Variants in PTPRD observed in about 807,000 individuals in gnomAD.
PTPRD encodes receptor-type tyrosine-protein phosphatase delta.
Under a neutral mutation model 214.5 loss-of-function variants are expected in PTPRD, and 34 were observed. The ratio of observed to expected loss-of-function variants is 0.16; its 90% CI spans 0.12 to 0.21. The LOEUF is 0.21. Among genes scored for constraint, PTPRD ranks in the 10% least tolerant of loss-of-function variants. The pLI is 1.00. For synonymous variants in PTPRD, 1,128 were observed against 845.7 expected (o/e 1.33, Z -5.79); for missense variants, 2,545 against 2,398.7 (o/e 1.06, Z -1.27).
Position 10,360,491 on chromosome 9 carries a change from T to C in PTPRD, c.-599-19474A>G, listed in dbSNP as rs375796794. The stretch of plus-strand genomic sequence containing the variant: ...CTTTTGTTCCCTCTATCATTCTCCT[T>C]CTCTTCCACTTTGCAAAGGCAAAGT... On this transcript the variant is annotated intron_variant, in intron 2 of 45. Coordinates refer to ENST00000381196, the MANE Select transcript of PTPRD (RefSeq NM_002839.4). Among the ~76,000 whole-genome samples the C allele has an allele frequency of 7.2e-5, 11 of 152,326 alleles. No homozygotes were observed. In the East Asian group the frequency reaches 1.2e-3, roughly 16 times the overall value.
intron 5 of PTPRD, among the ~76,000 whole-genome samples, chr9:9,817,952 T>C (rs554858390): frequency 6.6e-6 from 1 of 152,320 alleles, no homozygotes; most frequent in Admixed American, 6.5e-5. Context: ...ATTTTAGGTA[T>C]AGAGTCAAAA....
chr9:10,078,198 C>T (rs1373715460), intron 3 of PTPRD, among the ~76,000 whole-genome samples: 2 of 151,622 alleles, frequency 1.3e-5, no homozygotes, highest in Non-Finnish European at 2.9e-5. Flanking sequence ...TATGCAAAAT[C>T]ATAGATCTCA....
At chr9:9,618,230 T>G (rs959766757) in intron 7 of PTPRD, among the ~76,000 whole-genome samples, 5 of 151,810 alleles carry the variant, frequency 3.3e-5, no homozygotes, top group African/African-American at 9.7e-5. Context: ...TCCTTAGATT[T>G]TAATATGTAT....
chr9:9,923,201 T>C (rs1165293874), intron 5 of PTPRD, among the ~76,000 whole-genome samples: 1 of 150,448 alleles, frequency 6.6e-6, no homozygotes, highest in African/African-American at 2.4e-5. Flanking sequence ...ACAGATAATC[T>C]GGGTAAAAGA....
At chr9:9,591,892 T>G (rs1304793783) in intron 7 of PTPRD, among the ~76,000 whole-genome samples, 4 of 152,074 alleles carry the variant, frequency 2.6e-5, no homozygotes. Flanking sequence ...TACTGTGTAG[T>G]GGAACACCAG....
chr9:9,071,864 C>T (rs539413905), intron 10 of PTPRD, among the ~76,000 whole-genome samples: 4 of 152,076 alleles, frequency 2.6e-5, no homozygotes, highest in South Asian at 2.1e-4. Flanking sequence ...AAAAGTAAAG[C>T]GCTTTGTAAG....
At chr9:8,864,787 T>G (rs997272886) in intron 11 of PTPRD, among the ~76,000 whole-genome samples, 2 of 152,204 alleles carry the variant, frequency 1.3e-5, no homozygotes, top group African/African-American at 4.8e-5. Context: ...CATGAGTAAC[T>G]GGGGGTGTTT....
intron 21 of PTPRD, among the ~76,000 whole-genome samples, chr9:8,515,949 A>G (rs945990870): frequency 9.2e-5 from 14 of 152,162 alleles, no homozygotes; most frequent in African/African-American, 3.4e-4. Flanking sequence ...AGATGACATA[A>G]ATCACCTAAG....
chr9:10,123,735 C>T (rs10958889), intron 3 of PTPRD, among the ~76,000 whole-genome samples: 21,506 of 152,174 alleles, frequency 0.14, 1,622 homozygotes, highest in South Asian at 0.27. Flanking sequence ...ATAGTGAATA[C>T]GTCTTTCCCC....
intron 39 of PTPRD, among the ~76,000 whole-genome samples, chr9:8,368,068 G>C (rs2080437254): frequency 6.6e-6 from 1 of 152,206 alleles, no homozygotes; most frequent in Middle Eastern, 3.4e-3. Flanking sequence ...TGGCCCCTAA[G>C]AGCAGCTCTA....
At chr9:9,788,614 G>A (rs2098944223) in intron 5 of PTPRD, among the ~76,000 whole-genome samples, 1 of 151,252 alleles carries the variant, frequency 6.6e-6, no homozygotes, top group Non-Finnish European at 1.5e-5. Flanking sequence ...GGGTGGTAAT[G>A]GATTTTATTT....
intron 2 of PTPRD, among the ~76,000 whole-genome samples, chr9:10,546,534 T>A (rs111589188): frequency 6.6e-6 from 1 of 151,842 alleles, no homozygotes; most frequent in Non-Finnish European, 1.5e-5. Flanking sequence ...TAGGAAAATA[T>A]CAGGGTCTAT....
intron 11 of PTPRD, among the ~76,000 whole-genome samples, chr9:8,874,060 A>C (rs1284430957): frequency 6.6e-6 from 1 of 152,206 alleles, no homozygotes; most frequent in Admixed American, 6.5e-5. Flanking sequence ...ACTTAGGGTA[A>C]AAATTTAATA....
intron 5 of PTPRD, among the ~76,000 whole-genome samples, chr9:9,931,920 CT>C (rs2086790197): frequency 6.6e-6 from 1 of 151,644 alleles, no homozygotes; most frequent in Non-Finnish European, 1.5e-5. Context: ...TCCCTGACCC[CT>C]GACCCCCGAG....
chr9:9,509,231 G>A (rs1265910945), intron 8 of PTPRD, among the ~76,000 whole-genome samples: 4 of 151,054 alleles, frequency 2.6e-5, no homozygotes, highest in Non-Finnish European at 4.4e-5. Flanking sequence ...TTTAATTATG[G>A]GAAAAAAACC....
chr9:10,078,907 A>G (rs1437232052), intron 3 of PTPRD, among the ~76,000 whole-genome samples: 1 of 152,068 alleles, frequency 6.6e-6, no homozygotes, highest in African/African-American at 2.4e-5. Flanking sequence ...ACTCCTCACC[A>G]TCTGGTTGCC....
intron 11 of PTPRD, among the ~76,000 whole-genome samples, chr9:8,867,650 A>T (rs924939945): frequency 2.3e-4 from 35 of 152,342 alleles, no homozygotes; most frequent in African/African-American, 8.2e-4. Flanking sequence ...CTGGGTAGTG[A>T]TGAGAAATTA....
chr9:9,202,995 G>A (rs572683858), intron 9 of PTPRD, among the ~76,000 whole-genome samples: 8 of 152,110 alleles, frequency 5.3e-5, no homozygotes, highest in South Asian at 2.1e-4. Flanking sequence ...CACATCAACC[G>A]TCTTTATCCC....
chr9:9,679,970 C>G (rs1026681982), intron 7 of PTPRD, among the ~76,000 whole-genome samples: 15 of 151,944 alleles, frequency 9.9e-5, no homozygotes, highest in African/African-American at 3.6e-4. Flanking sequence ...TATTTGAATA[C>G]TTCTCTTGCT....
Sources: allele counts gnomAD v4.1 joint callset (sites outside exome capture counted in the v4.1 genomes callset), GRCh38; gene constraint gnomAD v4.1.1; transcripts MANE v1.5; gene names NCBI Gene and HGNC (gene_info 2026-07-23, HGNC 2026-07-21).